The following STK4 variants were observed in gnomAD, a reference collection of about 807,000 sequenced individuals.
STK4 encodes the protein serine/threonine kinase 4.
A neutral mutation model predicts 64.9 loss-of-function variants in STK4; 30 were observed. The ratio of observed to expected loss-of-function variants is 0.46; its 90% CI spans 0.35 to 0.63. The LOEUF (loss-of-function observed/expected upper bound fraction) is 0.63, where lower values mean the gene tolerates loss of function less well. Ranked by LOEUF, STK4 falls within the 20% of genes least tolerant of loss-of-function variation. The probability of loss-of-function intolerance (pLI) is 0.01; values close to 1 mark genes in which losing one functional copy is unlikely to be tolerated. For synonymous variants in STK4, 177 were observed against 199.0 expected (o/e 0.89, Z 0.93); for missense variants, 466 against 598.5 (o/e 0.78, Z 2.31).
At chr20:45,012,839 A>C (rs1338886208) in intron 9 of STK4, among the ~76,000 whole-genome samples, 1 of 140,500 alleles carries the variant, frequency 7.1e-6, no homozygotes, top group Non-Finnish European at 1.5e-5. Flanking sequence ...TCTGGAATGC[A>C]GTGGCGCGAT....
intron 10 of STK4, among the ~76,000 whole-genome samples, chr20:45,033,333 A>T (rs955198528): frequency 1.3e-5 from 2 of 152,216 alleles, no homozygotes; most frequent in Middle Eastern, 3.2e-3. Flanking sequence ...TGCCTTCATC[A>T]TGAAATCTTC....
intron 2 of STK4, chr20:44,974,663 GTT>G: frequency 6.6e-6 from 1 of 151,904 alleles, no homozygotes; most frequent in Non-Finnish European, 1.5e-5. Context: ...TAGAGATGGG[GTT>G]TCACCATATT....
rs529784410 is a variant in STK4 at position 45,072,415 on chromosome 20, C to T, written c.1306-2603C>T. ...GCAAGTCTACCCTCCTAATTCCCAG[C>T]TCCCCTTCTTTCACACTATTTTTTA... On this transcript the variant is annotated intron_variant, in intron 10 of 10. Coordinates refer to ENST00000372806, the MANE Select transcript of STK4 (RefSeq NM_006282.5). Among the ~76,000 whole-genome samples, 8 of 152,342 alleles carry T rather than the reference C, an allele frequency of 5.3e-5. No individual in the cohort carries two copies. In the South Asian group the frequency reaches 1.7e-3, roughly 32 times the overall value.
At chr20:44,973,981 A>C (rs1195457159) in intron 2 of STK4, 1 of 152,250 alleles carries the variant, frequency 6.6e-6, no homozygotes, top group Non-Finnish European at 1.5e-5. Context: ...GGTTTGTGGA[A>C]TGTCAAAGGA....
intron 9 of STK4, among the ~76,000 whole-genome samples, chr20:45,010,124 A>G (rs2068018353): frequency 2.0e-5 from 3 of 152,032 alleles, no homozygotes; most frequent in African/African-American, 2.4e-5. Context: ...GCTGGAGTGC[A>G]GTGGTGCGAT....
chr20:45,045,009 C>T (rs892637205), intron 10 of STK4, among the ~76,000 whole-genome samples: 48 of 152,088 alleles, frequency 3.2e-4, no homozygotes, highest in Admixed American at 2.8e-3. Context: ...TGTTTATTTT[C>T]GGTTCATTGT....
intron 10 of STK4, among the ~76,000 whole-genome samples, chr20:45,069,482 C>T (rs2145481391): frequency 6.6e-6 from 1 of 152,302 alleles, no homozygotes; most frequent in Non-Finnish European, 1.5e-5. Flanking sequence ...AATGGACATG[C>T]CTTTAGAGAT....
intron 9 of STK4, among the ~76,000 whole-genome samples, chr20:45,002,296 G>T (rs1412295365): frequency 6.6e-6 from 1 of 152,132 alleles, no homozygotes; most frequent in African/African-American, 2.4e-5. Context: ...TTTATTTAAA[G>T]AATTAATTTT....
chr20:45,014,287 G>A (rs1055701351), intron 9 of STK4, among the ~76,000 whole-genome samples: 2 of 148,724 alleles, frequency 1.3e-5, no homozygotes, highest in African/African-American at 5.2e-5. Flanking sequence ...TCAGCTGGGT[G>A]TAGTGGGGCG....
At chr20:45,071,830 T>A (rs1980093012) in intron 10 of STK4, among the ~76,000 whole-genome samples, 1 of 152,142 alleles carries the variant, frequency 6.6e-6, no homozygotes, top group Admixed American at 6.5e-5. Flanking sequence ...GTGCAGTGGC[T>A]CAGTCACAGC....
intron 10 of STK4, among the ~76,000 whole-genome samples, chr20:45,049,877 T>G (rs778602011): frequency 8.5e-5 from 13 of 152,190 alleles, no homozygotes; most frequent in Non-Finnish European, 1.3e-4. Flanking sequence ...TTCCCTGACT[T>G]CTGGCTTTGT....
At chr20:44,979,054 G>T (rs2067390833) in intron 3 of STK4, among the ~76,000 whole-genome samples, 1 of 152,060 alleles carries the variant, frequency 6.6e-6, no homozygotes. Flanking sequence ...GCCTGCCTCG[G>T]CCAAGTCCCA....
chr20:45,023,796 C>A (rs955686806), intron 9 of STK4, among the ~76,000 whole-genome samples: 2 of 152,014 alleles, frequency 1.3e-5, no homozygotes, highest in Non-Finnish European at 2.9e-5. Flanking sequence ...TCTAAGTCCC[C>A]TTTTACCAGT....
In STK4 at chr20:44,971,665, CTTTTTTTT is replaced by C. The variant is rs71197585; in HGVS notation, c.36-395_36-388del. Among the ~76,000 whole-genome samples, 6 of 90,364 alleles carry C rather than the reference CTTTTTTTT, an allele frequency of 6.6e-5. No homozygotes were observed. The Admixed American group carries it at 7.0e-4, about 11-fold the overall frequency. The allele number at this position is 90,364 out of a possible 152,430, so 59.3% of individuals were successfully genotyped here. A position where few individuals can be genotyped will look rare whatever the true frequency, so the allele number is the denominator to read the frequency against. On this transcript the variant is annotated intron_variant, in intron 1 of 10. Transcript: ENST00000372806. Reference sequence around the variant, plus strand: ...AATCTACAGCATTTCAGCCACATGACTTTTTTTTTTTTTTTTTTTTTTTTTGAGACAGT... The same window carrying C: ...AATCTACAGCATTTCAGCCACATGACTTTTTTTTTTTTTTTTTGAGACAGT...
chr20:45,006,336 G>A (rs1051537801), intron 9 of STK4, among the ~76,000 whole-genome samples: 8 of 150,794 alleles, frequency 5.3e-5, no homozygotes, highest in Non-Finnish European at 1.2e-4. Context: ...TCCTGGGCTC[G>A]TCATCCTCCT....
chr20:45,054,068 T>G (rs1978313090), intron 10 of STK4, among the ~76,000 whole-genome samples: 1 of 152,200 alleles, frequency 6.6e-6, no homozygotes, highest in Non-Finnish European at 1.5e-5. Flanking sequence ...TACTTAGTAC[T>G]ATGGTAACTT....
At chr20:44,975,700 C>T (rs2067328147) in intron 2 of STK4, 1 of 152,144 alleles carries the variant, frequency 6.6e-6, no homozygotes, top group Admixed American at 6.6e-5. Context: ...TGTCATTTGC[C>T]TGTGGCCTAG....
chr20:45,074,642 C>T (rs947009547), intron 10 of STK4, among the ~76,000 whole-genome samples: 5 of 152,020 alleles, frequency 3.3e-5, no homozygotes, highest in African/African-American at 9.7e-5. Context: ...AGAACAAGAA[C>T]GGGGAGGCAA....
chr20:45,055,634 G>C (rs757277022), intron 10 of STK4, among the ~76,000 whole-genome samples: 2 of 151,174 alleles, frequency 1.3e-5, no homozygotes, highest in Non-Finnish European at 2.9e-5. Context: ...TCTTCTTTCT[G>C]CTTTCTATGG....
Sources: allele counts gnomAD v4.1 joint callset (sites outside exome capture counted in the v4.1 genomes callset), GRCh38; gene constraint gnomAD v4.1.1; transcripts MANE v1.5; gene names NCBI Gene and HGNC (gene_info 2026-07-23, HGNC 2026-07-21).